Variants in PRTFDC1 observed in about 807,000 individuals in gnomAD.
PRTFDC1 encodes the protein phosphoribosyltransferase domain-containing protein 1.
A neutral mutation model predicts 34.6 loss-of-function variants in PRTFDC1; 38 were observed. That is an observed-to-expected ratio of 1.10 (90% CI 0.85 to 1.44). The LOEUF (loss-of-function observed/expected upper bound fraction) is 1.44. PRTFDC1 is among the 40% of genes most tolerant of loss of function. The pLI, the probability that PRTFDC1 is intolerant of heterozygous loss-of-function variation, is 0.00. For synonymous variants in PRTFDC1, 93 were observed against 98.1 expected (o/e 0.95, Z 0.31); for missense variants, 270 against 283.0 (o/e 0.95, Z 0.33).
intron 1 of PRTFDC1, among the ~76,000 whole-genome samples, chr10:24,949,265 T>G (rs907460760): frequency 6.6e-6 from 1 of 152,090 alleles, no homozygotes; most frequent in African/African-American, 2.4e-5. Context: ...AAGTTTTGTA[T>G]TTTTTGTAGA....
rs1848008797 is a variant in PRTFDC1, at chr10:24,878,511, C to G, written c.340-6448G>C. ...TGAAATGGACAGGAGAAATCAACATCTCCGTAGGAATGCTGGTGGCAGAGG... is the reference window on the plus strand; with the variant it reads ...TGAAATGGACAGGAGAAATCAACATGTCCGTAGGAATGCTGGTGGCAGAGG... On this transcript the variant is annotated intron_variant, in intron 3 of 8. Transcript: ENST00000320152. Among the ~76,000 whole-genome samples the G allele has an allele frequency of 3.9e-5, 6 of 152,272 alleles. No homozygotes were observed. The South Asian group carries it at 1.2e-3, about 32-fold the overall frequency.
chr10:24,881,991 G>T (rs1193064203), intron 3 of PRTFDC1, among the ~76,000 whole-genome samples: 4 of 152,010 alleles, frequency 2.6e-5, no homozygotes, highest in African/African-American at 9.7e-5. Flanking sequence ...CGGATCACCA[G>T]AGGTCAGGAG....
At chr10:24,874,755 C>A (rs1847933498) in intron 3 of PRTFDC1, among the ~76,000 whole-genome samples, 1 of 152,122 alleles carries the variant, frequency 6.6e-6, no homozygotes, top group African/African-American at 2.4e-5. Flanking sequence ...AATTGACCAA[C>A]AATTACTATA....
chr10:24,874,507 T>C (rs1033383805), intron 3 of PRTFDC1, among the ~76,000 whole-genome samples: 1 of 152,192 alleles, frequency 6.6e-6, no homozygotes, highest in Admixed American at 6.5e-5. Context: ...CAGAATTGAA[T>C]ACAACTACTA....
chr10:24,942,971 TC>T (rs1849191673), intron 1 of PRTFDC1, among the ~76,000 whole-genome samples: 1 of 151,870 alleles, frequency 6.6e-6, no homozygotes, highest in Admixed American at 6.6e-5. Context: ...AAATATAAAG[TC>T]AGTGTTTTAT....
chr10:24,902,326 C>T (rs1428556584), intron 3 of PRTFDC1, among the ~76,000 whole-genome samples: 1 of 152,108 alleles, frequency 6.6e-6, no homozygotes, highest in Non-Finnish European at 1.5e-5. Context: ...GCCAATGACT[C>T]ACTATTACAG....
At chr10:24,925,891 A>C (rs937303882) in intron 3 of PRTFDC1, among the ~76,000 whole-genome samples, 1 of 152,252 alleles carries the variant, frequency 6.6e-6, no homozygotes, top group Non-Finnish European at 1.5e-5. Context: ...TCTGATGCCC[A>C]GCAACTGAAT....
At chr10:24,925,710 G>T (rs1848861487) in intron 3 of PRTFDC1, among the ~76,000 whole-genome samples, 2 of 152,094 alleles carry the variant, frequency 1.3e-5, no homozygotes, top group African/African-American at 4.8e-5. Flanking sequence ...ACACTTTCTT[G>T]TGGGTCTGAC....
chr10:24,872,266 C>CA (rs1189859015), intron 3 of PRTFDC1, among the ~76,000 whole-genome samples: 2 of 152,084 alleles, frequency 1.3e-5, no homozygotes, highest in Non-Finnish European at 2.9e-5. Flanking sequence ...TAATGGCTGG[C>CA]AGGGAGAGGC....
Position 24,908,399 on chromosome 10 carries a change from C to T in PRTFDC1, c.339+28785G>A, listed in dbSNP as rs1005396899. The T allele has an allele frequency of 9.2e-6, 13 of 1,410,824 alleles. No individual in the cohort carries two copies. In the African/African-American group the frequency reaches 1.7e-4, roughly 18 times the overall value. 87.4% of individuals were successfully genotyped at this position (1,410,824 alleles called of 1,614,324 possible). On this transcript the variant is annotated intron_variant, in intron 3 of 8. Coordinates refer to ENST00000320152, the MANE Select transcript of PRTFDC1 (RefSeq NM_020200.7). ...GAAGAAATACATCATCCAGCAGACA[C>T]AGTGTCCAGTTTCTTCATGAAGACT...
At position 24,863,294 on chromosome 10, in the gene PRTFDC1, G is replaced by A. The variant is rs1847714737; in HGVS notation, c.406-4885C>T. Among the ~76,000 whole-genome samples the A allele has an allele frequency of 2.0e-5, 3 of 152,140 alleles. No homozygotes were observed. In the South Asian group the frequency reaches 6.2e-4, roughly 32 times the overall value. On this transcript the variant is annotated intron_variant, in intron 4 of 8. Coordinates refer to ENST00000320152, the MANE Select transcript of PRTFDC1 (RefSeq NM_020200.7). ...AAATGATGCTAAATCAACTTTGCCT[G>A]TGTTCTATAAATGGAGCAGCAAAGC...
At chr10:24,888,792 T>C (rs1024889394) in intron 3 of PRTFDC1, among the ~76,000 whole-genome samples, 2 of 152,062 alleles carry the variant, frequency 1.3e-5, no homozygotes, top group African/African-American at 4.8e-5. Context: ...ATAATATACA[T>C]CAATAATGTG....
chr10:24,900,483 T>C (rs1848431491), intron 3 of PRTFDC1, among the ~76,000 whole-genome samples: 1 of 152,238 alleles, frequency 6.6e-6, no homozygotes, highest in Non-Finnish European at 1.5e-5. Context: ...AAAGTTATCC[T>C]CTTATTAACA....
chr10:24,914,820 TA>T (rs1251365335), intron 3 of PRTFDC1, among the ~76,000 whole-genome samples: 3 of 152,188 alleles, frequency 2.0e-5, no homozygotes, highest in African/African-American at 7.2e-5. Context: ...TTAAAACAAG[TA>T]GCTTCTACCT....
chr10:24,949,387 G>C (rs923275771), intron 1 of PRTFDC1, among the ~76,000 whole-genome samples: 1 of 151,992 alleles, frequency 6.6e-6, no homozygotes, highest in African/African-American at 2.4e-5. Context: ...CCAGCCACCT[G>C]CCCCTTTTTA....
intron 7 of PRTFDC1, among the ~76,000 whole-genome samples, chr10:24,854,449 T>C (rs1225371931): frequency 6.6e-6 from 1 of 152,200 alleles, no homozygotes; most frequent in Non-Finnish European, 1.5e-5. Flanking sequence ...CACCCATCCA[T>C]ACTGCACTTC....
intron 3 of PRTFDC1, among the ~76,000 whole-genome samples, chr10:24,915,322 T>C (rs2132574860): frequency 6.6e-6 from 1 of 152,342 alleles, no homozygotes. Flanking sequence ...AAATGGGTCC[T>C]CTAGCTTCCT....
In PRTFDC1 at chr10:24,872,045, C is replaced by T. The variant is rs755423306; in HGVS notation, c.358G>A (p.Glu120Lys). Residue 120 changes from glutamate (E) to lysine (K), a missense_variant, in exon 4 of 9, where the codon GAG becomes AAG. Coordinates refer to ENST00000320152, the MANE Select transcript of PRTFDC1 (RefSeq NM_020200.7). Reference sequence around the variant, plus strand: ...TCATCGCCTCCGATTATCTGCATCTCACCCATGGACTGGTCATTCTGCAAA... The same window carrying T: ...TCATCGCCTCCGATTATCTGCATCTTACCCATGGACTGGTCATTCTGCAAA... ...KSYRNDQSMG[E>K]MQIIGGDDLS... 5.6e-6 allele frequency: 9 copies of T among 1,611,310 alleles called. No individual in the cohort carries two copies. The highest frequency in any genetic ancestry group is 7.6e-6 in the Non-Finnish European group (9 of 1,177,906).
intron 4 of PRTFDC1, among the ~76,000 whole-genome samples, chr10:24,858,757 G>A (rs1847624266): frequency 6.6e-6 from 1 of 152,170 alleles, no homozygotes; most frequent in Admixed American, 6.5e-5. Context: ...GAGTTTACCA[G>A]GAAAACAATG....
Sources: allele counts gnomAD v4.1 joint callset (sites outside exome capture counted in the v4.1 genomes callset), GRCh38; gene constraint gnomAD v4.1.1; transcripts MANE v1.5; gene names NCBI Gene and HGNC (gene_info 2026-07-23, HGNC 2026-07-21).